SESN1: variants seen among roughly 807,000 people sequenced by gnomAD.
The protein encoded by SESN1 is sestrin-1.
A neutral mutation model predicts 59.3 loss-of-function variants in SESN1; 30 were observed. The ratio of observed to expected loss-of-function variants is 0.51; its 90% CI spans 0.38 to 0.69. The LOEUF (loss-of-function observed/expected upper bound fraction) is 0.69, where lower values mean the gene tolerates loss of function less well. Ranked by LOEUF, SESN1 falls within the 30% of genes least tolerant of loss-of-function variation. The pLI is 0.00. For missense variants in SESN1, 566 were observed against 673.0 expected (o/e 0.84, Z 1.76); for synonymous variants, 197 against 219.9 (o/e 0.90, Z 0.92).
intron 1 of SESN1, among the ~76,000 whole-genome samples, chr6:109,074,878 A>G (rs2114469704): frequency 6.6e-6 from 1 of 152,328 alleles, no homozygotes; most frequent in Non-Finnish European, 1.5e-5. Flanking sequence ...AGTACCAAGA[A>G]TGGGAAGTAA....
intron 1 of SESN1, among the ~76,000 whole-genome samples, chr6:109,025,073 C>T (rs1036568476): frequency 7.9e-5 from 12 of 152,074 alleles, no homozygotes; most frequent in African/African-American, 2.9e-4. Context: ...AAGGCAAATC[C>T]TAGGACTTGG....
intron 1 of SESN1, among the ~76,000 whole-genome samples, chr6:109,089,604 G>A (rs1159924726): frequency 6.6e-6 from 1 of 152,110 alleles, no homozygotes; most frequent in African/African-American, 2.4e-5. Context: ...AACTCAACAT[G>A]TCTAAAACAG....
intron 1 of SESN1, among the ~76,000 whole-genome samples, chr6:109,065,449 C>T (rs1780807498): frequency 6.6e-6 from 1 of 152,020 alleles, no homozygotes; most frequent in South Asian, 2.1e-4. Context: ...AATATAAATT[C>T]ACTTGGTTTT....
intron 1 of SESN1, among the ~76,000 whole-genome samples, chr6:109,039,033 GAAA>G (rs1283393869): frequency 4.0e-5 from 5 of 125,388 alleles, no homozygotes; most frequent in Non-Finnish European, 8.5e-5. Context: ...AAAAGAGAAA[GAAA>G]GAAGAAGGAG....
chr6:109,031,133 G>A (rs1432831482), intron 1 of SESN1, among the ~76,000 whole-genome samples: 1 of 152,180 alleles, frequency 6.6e-6, no homozygotes, highest in Non-Finnish European at 1.5e-5. Flanking sequence ...TGACATAGAA[G>A]AGAGAATAAA....
At chr6:109,066,312 C>CTT (rs766823032) in intron 1 of SESN1, among the ~76,000 whole-genome samples, 1 of 134,630 alleles carries the variant, frequency 7.4e-6, no homozygotes, top group Non-Finnish European at 1.6e-5. Flanking sequence ...TTTGCTGTTT[C>CTT]TTTTTTTTTT....
intron 1 of SESN1, among the ~76,000 whole-genome samples, chr6:109,073,015 G>C (rs1583296232): frequency 7.8e-6 from 1 of 128,892 alleles, no homozygotes; most frequent in African/African-American, 2.5e-5. Flanking sequence ...GTGTTTTTTT[G>C]TTTGTTTTTT....
chr6:109,042,752 T>A (rs1441687770), intron 1 of SESN1, among the ~76,000 whole-genome samples: 2 of 152,054 alleles, frequency 1.3e-5, no homozygotes, highest in African/African-American at 4.8e-5. Context: ...CCAAATCCAG[T>A]TTATTTCACT....
rs752278370 is a variant in SESN1 at position 109,068,721 on chromosome 6, C to CTT, written c.279+25072_279+25073dup. Among the ~76,000 whole-genome samples, 269 of 133,494 alleles carry CTT rather than the reference C, an allele frequency of 2.0e-3. 2 individuals are homozygous for CTT. Among genetic ancestry groups the CTT allele is most frequent in the African/African-American group, 4.2e-3 (152 of 36,362 alleles). The allele number at this position is 133,494 out of a possible 152,430, so 87.6% of individuals were successfully genotyped here. On this transcript the variant is annotated intron_variant, in intron 1 of 9. Coordinates refer to ENST00000436639, the MANE Select transcript of SESN1 (RefSeq NM_014454.3). ...ACATACACCAGTGAAATTTCCTGGG[C>CTT]TTTTTTTTTTTTTTTTGAGGCAGAG...
At chr6:109,056,417 C>T (rs914721644) in intron 1 of SESN1, among the ~76,000 whole-genome samples, 9 of 152,096 alleles carry the variant, frequency 5.9e-5, no homozygotes, top group Non-Finnish European at 5.9e-5. Context: ...AAAACAACAA[C>T]AACAAAAAGC....
At chr6:109,089,391 T>C (rs2114483069) in intron 1 of SESN1, among the ~76,000 whole-genome samples, 1 of 152,364 alleles carries the variant, frequency 6.6e-6, no homozygotes, top group Non-Finnish European at 1.5e-5. Context: ...TCAATTCTAT[T>C]CTAAAGGGCT....
At chr6:108,988,819 T>C (rs1185173648) in intron 8 of SESN1, 132 bp from the exon 9 acceptor site, 2 of 627,694 alleles carry the variant, frequency 3.2e-6, no homozygotes, top group Non-Finnish European at 5.2e-6. Context: ...CCAAAAATGA[T>C]AGAGCTTTAT....
chr6:109,034,352 T>C (rs973626891), intron 1 of SESN1, among the ~76,000 whole-genome samples: 1 of 152,234 alleles, frequency 6.6e-6, no homozygotes, highest in African/African-American at 2.4e-5. Context: ...TATCTGTAAA[T>C]AATTTAGTGT....
intron 1 of SESN1, among the ~76,000 whole-genome samples, chr6:109,028,967 T>C (rs903754867): frequency 2.0e-5 from 3 of 152,238 alleles, no homozygotes; most frequent in Non-Finnish European, 4.4e-5. Flanking sequence ...TTTATGTATA[T>C]TAACTGTCTC....
At chr6:109,043,958 A>G (rs544289805) in intron 1 of SESN1, among the ~76,000 whole-genome samples, 5 of 152,322 alleles carry the variant, frequency 3.3e-5, no homozygotes, top group African/African-American at 1.2e-4. Flanking sequence ...ACAGATACAC[A>G]TATCAATGGA....
At chr6:109,018,123 T>TG (rs1337066158) in intron 1 of SESN1, among the ~76,000 whole-genome samples, 1 of 152,222 alleles carries the variant, frequency 6.6e-6, no homozygotes, top group African/African-American at 2.4e-5. Flanking sequence ...TCCTTGTATA[T>TG]TATCAGTGGT....
At chr6:109,046,284 TGTGTTG>T (rs1780433867) in intron 1 of SESN1, among the ~76,000 whole-genome samples, 1 of 151,472 alleles carries the variant, frequency 6.6e-6, no homozygotes, top group Admixed American at 6.6e-5. Flanking sequence ...GGGGTTTCGC[TGTGTTG>T]GCCGGGCCGG....
intron 1 of SESN1, among the ~76,000 whole-genome samples, chr6:109,031,158 G>C (rs952747215): frequency 5.3e-5 from 8 of 152,210 alleles, no homozygotes; most frequent in Non-Finnish European, 1.0e-4. Flanking sequence ...ATGAACTCAA[G>C]AGACAGTTAA....
At chr6:109,037,483 A>G (rs1780267579) in intron 1 of SESN1, among the ~76,000 whole-genome samples, 1 of 152,216 alleles carries the variant, frequency 6.6e-6, no homozygotes, top group African/African-American at 2.4e-5. Flanking sequence ...CCTCCATTAC[A>G]CAATGCAATT....
Sources: gnomAD v4.1 joint callset for allele counts (sites outside exome capture counted in the v4.1 genomes callset) on GRCh38, gnomAD v4.1.1 for gene constraint, MANE v1.5 for transcripts, NCBI Gene and HGNC (gene_info 2026-07-23, HGNC 2026-07-21) for gene names.